BRSK1: variants seen among roughly 807,000 people sequenced by gnomAD.
BRSK1 encodes serine/threonine-protein kinase BRSK1.
In BRSK1, 17 loss-of-function variants were observed where a neutral mutation model predicts 86.2. The ratio of observed to expected loss-of-function variants is 0.20; its 90% CI spans 0.14 to 0.30. The LOEUF is 0.30. Among genes scored for constraint, BRSK1 ranks in the 10% least tolerant of loss-of-function variants. The pLI is 1.00. For synonymous variants in BRSK1, 464 were observed against 440.1 expected (o/e 1.05, Z -0.68); for missense variants, 719 against 1,071.9 (o/e 0.67, Z 4.60).
At chr19:55,309,585 G>T (rs1224213608) in intron 18 of BRSK1, among the ~76,000 whole-genome samples, 1 of 152,178 alleles carries the variant, frequency 6.6e-6, no homozygotes, top group Non-Finnish European at 1.5e-5. Flanking sequence ...CATGGCAGAA[G>T]GGGCAAGGGA....
At chr19:55,293,581 G>C (rs1354322532) in intron 4 of BRSK1, among the ~76,000 whole-genome samples, 1 of 151,962 alleles carries the variant, frequency 6.6e-6, no homozygotes, top group Non-Finnish European at 1.5e-5. Context: ...GAGAGGCCAA[G>C]GCGGGCGGAT....
At chr19:55,298,828 G>A (rs962104945) in intron 7 of BRSK1, among the ~76,000 whole-genome samples, 3 of 152,188 alleles carry the variant, frequency 2.0e-5, no homozygotes, top group Admixed American at 1.3e-4. Flanking sequence ...CTAAGCGCGG[G>A]AGGCTGTGAT....
At position 55,304,729 on chromosome 19, in the gene BRSK1, C is replaced by A; in HGVS notation, c.1526C>A (p.Pro509Gln). 1 of 1,520,414 alleles carries A rather than the reference C, an allele frequency of 6.6e-7. No individual in the cohort carries two copies. Among genetic ancestry groups the A allele is most frequent in the South Asian group, 1.2e-5 (1 of 81,502 alleles). The allele number at this position is 1,520,414 out of a possible 1,614,324, so 94.2% of individuals were successfully genotyped here. A position where few individuals can be genotyped will look rare whatever the true frequency, so the allele number is the denominator to read the frequency against. The change falls in exon 14 of 19, where the codon CCG becomes CAG. Residue 509 changes from proline (P) to glutamine (Q), a missense_variant. Pro to Gln is a moderately conservative substitution (Grantham distance 76). Transcript: ENST00000309383. This position sits in a 1 kb window ranked among gnomAD's most constrained non-coding sequence, Gnocchi z 5.2. ...STPLPGPPGS[P>Q]RSSGGTPLHS... ...CCCCTGCCCGGCCCCCCAGGCTCCC[C>A]GCGCTCCTCTGGCGGGACCCCCTTG...
intron 14 of BRSK1, 113 bp downstream of exon 14, chr19:55,305,033 T>G: frequency 6.8e-7 from 1 of 1,467,820 alleles, no homozygotes; most frequent in Non-Finnish European, 9.1e-7. Context: ...GGGGCCTGGA[T>G]TCCCACGTTC....
chr19:55,303,971 C>A lies in BRSK1; in HGVS notation c.1287-79C>A. ...GGCCTCATTTCCTCACCTGGAAGGA[C>A]TGTAGAAGTGAGGGAACATCTGTGG... On this transcript the variant is annotated intron_variant, in intron 12 of 18. Transcript: ENST00000309383. The surrounding 1 kb of genome is among the most constrained non-coding windows in gnomAD (Gnocchi z 5.1). 6.5e-7 allele frequency: 1 copy of A among 1,533,226 alleles called. No individual in the cohort carries two copies. 95.0% of individuals were successfully genotyped at this position (1,533,226 alleles called of 1,614,324 possible). A position where few individuals can be genotyped will look rare whatever the true frequency, so the allele number is the denominator to read the frequency against.
chr19:55,288,313 A>C (rs2088351317), intron 3 of BRSK1, among the ~76,000 whole-genome samples: 1 of 151,776 alleles, frequency 6.6e-6, no homozygotes. Context: ...CCGTCTCTAC[A>C]AAAAATACAA....
At position 55,284,280 on chromosome 19, in the gene BRSK1, C is replaced by A; in HGVS notation, c.-163C>A. 1.8e-6 allele frequency: 1 copy of A among 568,878 alleles called. No homozygotes were observed. Among genetic ancestry groups the A allele is most frequent in the Non-Finnish European group, 2.6e-6 (1 of 387,086 alleles). 35.2% of individuals were successfully genotyped at this position (568,878 alleles called of 1,614,324 possible). A position where few individuals can be genotyped will look rare whatever the true frequency, so the allele number is the denominator to read the frequency against. ...CCCCCCCTCCCCCAGCTCCGCGGCC[C>A]GCCGACTGGGGGGGGCCAGCCCAGC... On this transcript the variant is annotated 5_prime_UTR_variant, in exon 1 of 19. Transcript: ENST00000309383.
chr19:55,295,134 AT>A (rs1478138160), intron 7 of BRSK1, among the ~76,000 whole-genome samples: 1 of 141,148 alleles, frequency 7.1e-6, no homozygotes. Context: ...TTTTATTTTT[AT>A]TTTTTGAGAG....
chr19:55,293,087 C>T (rs978250912), intron 4 of BRSK1, among the ~76,000 whole-genome samples: 1 of 152,088 alleles, frequency 6.6e-6, no homozygotes, highest in Non-Finnish European at 1.5e-5. Flanking sequence ...AGGCCGGGCG[C>T]GGTGGCTCAC....
In BRSK1 at chr19:55,304,490, C is replaced by T; in HGVS notation, c.1348-61C>T. ...TCCGTGAGTGTGCGTGTGAGTGGGG[C>T]TCCTAGAGCCTCCTGGGAGTTGTAG... On this transcript the variant is annotated intron_variant, in intron 13 of 18. Transcript: ENST00000309383. This position sits in a 1 kb window ranked among gnomAD's most constrained non-coding sequence, Gnocchi z 5.2. 1 of 1,473,600 alleles carries T rather than the reference C, an allele frequency of 6.8e-7. No homozygotes were observed. The highest frequency in any genetic ancestry group is 1.4e-5 in the South Asian group (1 of 70,450). 91.3% of individuals were successfully genotyped at this position (1,473,600 alleles called of 1,614,324 possible). A position where few individuals can be genotyped will look rare whatever the true frequency, so the allele number is the denominator to read the frequency against.
At chr19:55,286,747 G>A (rs2088323388) in intron 1 of BRSK1, among the ~76,000 whole-genome samples, 1 of 151,650 alleles carries the variant, frequency 6.6e-6, no homozygotes, top group African/African-American at 2.4e-5. Context: ...GAGGGTGAGG[G>A]CCAGGGGGTG....
rs1288630587 is a variant in BRSK1 at position 55,311,930 on chromosome 19, G to A, written c.2199G>A (p.Gln733=). 8 of 1,611,502 alleles carry A rather than the reference G, an allele frequency of 5.0e-6. No individual in the cohort carries two copies. In the African/African-American group the frequency reaches 9.4e-5, roughly 19 times the overall value. Residue 733 remains glutamine (Q), a synonymous_variant, in exon 19 of 19, where the codon CAG becomes CAA. Transcript: ENST00000309383. ...TTGCAGACGAGAAGAACGGGGCCCA[G>A]ACCCGGCCTGCTGGTGCCCCACCCC... ...QALADEKNGA[Q]TRPAGAPPRS...
chr19:55,307,295 C>T (rs2088666262), intron 17 of BRSK1, among the ~76,000 whole-genome samples: 1 of 152,144 alleles, frequency 6.6e-6, no homozygotes, highest in South Asian at 2.1e-4. Flanking sequence ...CGCGGTGGCT[C>T]ACGCCTGTAA....
chr19:55,307,788 A>ACACACAC (rs1458252845), intron 17 of BRSK1, among the ~76,000 whole-genome samples: 16 of 97,794 alleles, frequency 1.6e-4, no homozygotes, highest in African/African-American at 5.8e-4. Flanking sequence ...ACACACACAC[A>ACACACAC]ATTTAAAAAA....
At chr19:55,296,979 G>A (rs369405597) in intron 7 of BRSK1, among the ~76,000 whole-genome samples, 1 of 152,104 alleles carries the variant, frequency 6.6e-6, no homozygotes, top group Non-Finnish European at 1.5e-5. Flanking sequence ...TCATGCCACC[G>A]AACTCCAGCC....
At chr19:55,296,382 A>G (rs1468812297) in intron 7 of BRSK1, among the ~76,000 whole-genome samples, 3 of 152,192 alleles carry the variant, frequency 2.0e-5, no homozygotes, top group Non-Finnish European at 4.4e-5. Flanking sequence ...GTAAGTCCCC[A>G]GTGAACACCT....
intron 7 of BRSK1, among the ~76,000 whole-genome samples, chr19:55,297,481 C>T (rs1466587539): frequency 6.6e-6 from 1 of 152,204 alleles, no homozygotes; most frequent in Non-Finnish European, 1.5e-5. Flanking sequence ...TGATAAGCCG[C>T]AGGCCTGGGG....
intron 4 of BRSK1, among the ~76,000 whole-genome samples, chr19:55,291,504 AC>A (rs1222971593): frequency 6.6e-6 from 1 of 152,138 alleles, no homozygotes; most frequent in Non-Finnish European, 1.5e-5. Flanking sequence ...ACAGAGTGAG[AC>A]CCTGTCTCAA....
chr19:55,287,004 C>A lies in BRSK1; in HGVS notation c.137-3C>A. 3 of 1,613,962 alleles carry A rather than the reference C, an allele frequency of 1.9e-6. No homozygotes were observed. Among genetic ancestry groups the A allele is most frequent in the Non-Finnish European group, 2.5e-6 (3 of 1,179,910 alleles). ...ACCCCACATTTTCACCCTGCTCCTG[C>A]AGGGCTGGTTAAACTCGGGGTCCAC... On this transcript the variant is annotated splice_polypyrimidine_tract_variant and splice_region_variant and intron_variant, in intron 1 of 18. Transcript: ENST00000309383. This position sits in a 1 kb window ranked among gnomAD's most constrained non-coding sequence, Gnocchi z 5.3.
Sources: allele counts gnomAD v4.1 joint callset (sites outside exome capture counted in the v4.1 genomes callset), GRCh38; gene constraint gnomAD v4.1.1; non-coding constraint Gnocchi (gnomAD v3.1); transcripts MANE v1.5; gene names NCBI Gene and HGNC (gene_info 2026-07-23, HGNC 2026-07-21).